The following CRYZ variants were observed in gnomAD, a reference collection of about 807,000 sequenced individuals.
CRYZ encodes the protein zeta-crystallin.
Under a neutral mutation model 34.1 loss-of-function variants are expected in CRYZ, and 35 were observed. The observed-to-expected ratio is 1.03, with a 90% CI of 0.78 to 1.36. The LOEUF (loss-of-function observed/expected upper bound fraction) is 1.36, where lower values mean the gene tolerates loss of function less well. Ranked by LOEUF, CRYZ falls within the 40% of genes most tolerant of loss-of-function variation. The probability of loss-of-function intolerance (pLI) is 0.00; values close to 1 mark genes in which losing one functional copy is unlikely to be tolerated. For missense variants in CRYZ, 403 were observed against 391.8 expected, an observed-to-expected ratio of 1.03 and a Z score of -0.24; for synonymous variants, 137 against 136.5, an observed-to-expected ratio of 1.00 and a Z score of -0.03.
rs767180797 is a variant in CRYZ at position 74,710,222 on chromosome 1, G to A, written c.506C>T (p.Ala169Val). Reference protein sequence around the residue: ...GGVGLAACQIARAYGLKILGT... With the variant: ...GGVGLAACQIVRAYGLKILGT... ...CAAAATCTTTAAGCCATAAGCTCTA[G>A]CAATTTGGCATGCTGCTAATCCAAC... is the stretch of plus-strand genomic sequence containing the variant. Residue 169 changes from alanine (A) to valine (V), a missense_variant, in exon 6 of 9, where the codon GCT becomes GTT. Transcript: ENST00000340866. 3 of 1,613,560 alleles carry A rather than the reference G, an allele frequency of 1.9e-6. No homozygotes were observed. The highest frequency in any genetic ancestry group is 3.3e-5 in the Admixed American group (2 of 59,944).
Sources: allele counts gnomAD v4.1 joint callset, GRCh38; gene constraint gnomAD v4.1.1; transcripts MANE v1.5; gene names NCBI Gene and HGNC (gene_info 2026-07-23, HGNC 2026-07-21).